The following CA10 variants were observed in gnomAD, a reference collection of about 807,000 sequenced individuals.
CA10 encodes carbonic anhydrase 10 (inactive).
Under a neutral mutation model 44.2 loss-of-function variants are expected in CA10, and 14 were observed. The ratio of observed to expected loss-of-function variants is 0.32; its 90% CI spans 0.21 to 0.50. CA10 has a LOEUF of 0.50. Among genes scored for constraint, CA10 ranks in the 20% least tolerant of loss-of-function variants. The pLI, the probability that CA10 is intolerant of heterozygous loss-of-function variation, is 0.99. For synonymous variants in CA10, 159 were observed against 141.6 expected, an observed-to-expected ratio of 1.12 and a Z score of -0.87; for missense variants, 350 against 409.7, an observed-to-expected ratio of 0.85 and a Z score of 1.26.
rs548870866 is a variant in CA10 at position 52,032,943 on chromosome 17, T to A, written c.136+39376A>T. ...CATAAACATTATCCTAATTAGGATC[T>A]AAATGTCTTGAAACACAAAGGAGAA... is the stretch of plus-strand genomic sequence containing the variant. On this transcript the variant is annotated intron_variant, in intron 2 of 8. Coordinates refer to ENST00000451037, the MANE Select transcript of CA10 (RefSeq NM_020178.5). Among the ~76,000 whole-genome samples, 4 of 152,312 alleles carry A rather than the reference T, an allele frequency of 2.6e-5. 1 individual carries two copies. In the South Asian group the frequency reaches 8.3e-4, roughly 32 times the overall value.
intron 3 of CA10, among the ~76,000 whole-genome samples, chr17:51,882,273 CTG>C (rs201396940): frequency 0.018 from 2,743 of 151,952 alleles, 43 homozygotes; most frequent in South Asian, 0.063. Flanking sequence ...TGATGAAAAA[CTG>C]TTTCATAAAA....
At chr17:51,717,395 G>A (rs372213267) in intron 4 of CA10, among the ~76,000 whole-genome samples, 13 of 151,646 alleles carry the variant, frequency 8.6e-5, no homozygotes, top group African/African-American at 3.2e-4. Context: ...ATTTGATCCA[G>A]CAATCCAGAG....
chr17:51,788,395 G>C lies in CA10; in HGVS notation c.280-40577C>G, dbSNP rs75548239. On this transcript the variant is annotated intron_variant, in intron 3 of 8. Transcript: ENST00000451037. ...TGGTCTACCATTGACAATGGTCCAA[G>C]TGCTGAGGAAACAAATGTGTATTCT... is the stretch of plus-strand genomic sequence containing the variant. Among the ~76,000 whole-genome samples the C allele has an allele frequency of 9.1e-4, 138 of 152,260 alleles. No homozygotes were observed. In the East Asian group the frequency reaches 0.015, roughly 16 times the overall value.
intron 5 of CA10, among the ~76,000 whole-genome samples, chr17:51,649,878 G>GAA (rs4058505): frequency 0.09 from 12,894 of 142,688 alleles, 771 homozygotes; most frequent in African/African-American, 0.16. Flanking sequence ...TAAGGAAATG[G>GAA]AAAAAAAAAA....
intron 5 of CA10, among the ~76,000 whole-genome samples, chr17:51,649,500 G>C (rs1302441972): frequency 6.6e-6 from 1 of 152,202 alleles, no homozygotes; most frequent in Admixed American, 6.5e-5. Flanking sequence ...TTGAGTCATT[G>C]GTGTAATGAT....
At chr17:52,025,309 C>T (rs185049431) in intron 2 of CA10, among the ~76,000 whole-genome samples, 1 of 152,174 alleles carries the variant, frequency 6.6e-6, no homozygotes, top group East Asian at 2.0e-4. Context: ...GGTTCTACTC[C>T]ACTTTCCCTC....
intron 3 of CA10, among the ~76,000 whole-genome samples, chr17:51,778,255 G>A (rs76246510): frequency 6.6e-6 from 1 of 152,090 alleles, no homozygotes; most frequent in Non-Finnish European, 1.5e-5. Context: ...AACTCTGAAG[G>A]TCCTGTTTCA....
intron 3 of CA10, among the ~76,000 whole-genome samples, chr17:51,827,969 A>G (rs1051027315): frequency 6.6e-6 from 1 of 152,184 alleles, no homozygotes; most frequent in African/African-American, 2.4e-5. Flanking sequence ...CACCCAGGAC[A>G]AACTTGGAAA....
rs1281402924 is a variant in CA10, at chr17:52,117,020, A to G, written c.61+40706T>C. Among the ~76,000 whole-genome samples the G allele has an allele frequency of 4.6e-5, 7 of 152,366 alleles. No homozygotes were observed. In the South Asian group the frequency reaches 1.5e-3, roughly 32 times the overall value. The stretch of plus-strand genomic sequence containing the variant: ...TGCTTGGCATGGCTAAAGTGAACTA[A>G]TAAGGGATTTAAAAGGATTTTCTTA... On this transcript the variant is annotated intron_variant, in intron 1 of 8. Transcript: ENST00000451037.
chr17:51,721,257 G>C (rs1488301581), intron 4 of CA10, among the ~76,000 whole-genome samples: 1 of 152,090 alleles, frequency 6.6e-6, no homozygotes, highest in African/African-American at 2.4e-5. Flanking sequence ...ACTTGAACCT[G>C]GGAGGTGGAG....
At chr17:51,819,414 T>C (rs1381938017) in intron 3 of CA10, among the ~76,000 whole-genome samples, 1 of 152,096 alleles carries the variant, frequency 6.6e-6, no homozygotes, top group Non-Finnish European at 1.5e-5. Flanking sequence ...TACTATGAGA[T>C]GTCTTGAAGC....
At chr17:51,665,615 T>C (rs1268294549) in intron 4 of CA10, among the ~76,000 whole-genome samples, 3 of 152,220 alleles carry the variant, frequency 2.0e-5, no homozygotes, top group African/African-American at 7.2e-5. Flanking sequence ...AGTGTACTTA[T>C]ATAAACCCAG....
At chr17:52,133,241 A>T (rs1989279801) in intron 1 of CA10, among the ~76,000 whole-genome samples, 1 of 152,214 alleles carries the variant, frequency 6.6e-6, no homozygotes, top group African/African-American at 2.4e-5. Context: ...CCTCTAAGGT[A>T]AGCCTTGGAG....
At chr17:51,633,768 G>T in intron 7 of CA10, 118 bp from the exon 8 acceptor site, 1 of 1,081,148 alleles carries the variant, frequency 9.2e-7, no homozygotes, top group Non-Finnish European at 1.3e-6. Context: ...GGAAAGGGCT[G>T]TATAAGCCCC....
At chr17:51,793,297 A>G (rs1906590109) in intron 3 of CA10, among the ~76,000 whole-genome samples, 1 of 152,192 alleles carries the variant, frequency 6.6e-6, no homozygotes, top group Admixed American at 6.5e-5. Context: ...GGGGGAAAAA[A>G]TCAAGGAAAC....
intron 3 of CA10, among the ~76,000 whole-genome samples, chr17:51,908,015 CAATA>C (rs1421862016): frequency 3.9e-5 from 6 of 152,110 alleles, no homozygotes; most frequent in Admixed American, 1.3e-4. Flanking sequence ...AGCAGGTGTT[CAATA>C]AATAGTGAGT....
intron 3 of CA10, among the ~76,000 whole-genome samples, chr17:51,795,672 C>T (rs1906677744): frequency 6.6e-6 from 1 of 152,132 alleles, no homozygotes; most frequent in Non-Finnish European, 1.5e-5. Flanking sequence ...AGGTAAAGGA[C>T]CCAAGTGCCT....
intron 2 of CA10, among the ~76,000 whole-genome samples, chr17:52,007,853 T>A (rs1187103500): frequency 6.6e-6 from 1 of 151,596 alleles, no homozygotes; most frequent in Non-Finnish European, 1.5e-5. Flanking sequence ...TATAGTTTTC[T>A]AAGAAAGACA....
chr17:51,853,044 C>T (rs544377154), intron 3 of CA10, among the ~76,000 whole-genome samples: 45 of 151,954 alleles, frequency 3.0e-4, no homozygotes, highest in African/African-American at 1.1e-3. Flanking sequence ...TATCATATGT[C>T]CTTGGAAAAA....
Sources: allele counts gnomAD v4.1 joint callset (sites outside exome capture counted in the v4.1 genomes callset), GRCh38; gene constraint gnomAD v4.1.1; transcripts MANE v1.5; gene names NCBI Gene and HGNC (gene_info 2026-07-23, HGNC 2026-07-21).